Variants in GLRA3 observed in about 807,000 individuals in gnomAD.
GLRA3 encodes the protein glycine receptor subunit alpha-3.
GLRA3 carries 44 observed loss-of-function variants against 60.4 expected under a neutral mutation model. The observed-to-expected ratio is 0.73, with a 90% CI of 0.57 to 0.94. The LOEUF is 0.94. Among genes scored for constraint, GLRA3 ranks in the 40% least tolerant of loss-of-function variants. The pLI is 0.00. For missense variants in GLRA3, 508 were observed against 564.6 expected (o/e 0.90, Z 1.02); for synonymous variants, 223 against 192.9 (o/e 1.16, Z -1.29).
In GLRA3 at chr4:174,827,041, G is replaced by T. The variant is rs1008628679; in HGVS notation, c.71+1700C>A. Among the ~76,000 whole-genome samples the T allele has an allele frequency of 2.0e-5, 3 of 151,924 alleles. No homozygotes were observed. The East Asian group carries it at 5.8e-4, about 29-fold the overall frequency. On this transcript the variant is annotated intron_variant, in intron 1 of 9. Transcript: ENST00000274093. ...TTTATTTGATTTATGAATGGAGAAAGAAAAACTTGATGAAGAATATAAGTT... is the reference window on the plus strand; with the variant it reads ...TTTATTTGATTTATGAATGGAGAAATAAAAACTTGATGAAGAATATAAGTT...
At chr4:174,708,015 C>T (rs1165440117) in intron 5 of GLRA3, among the ~76,000 whole-genome samples, 2 of 152,138 alleles carry the variant, frequency 1.3e-5, no homozygotes, top group African/African-American at 4.8e-5. Context: ...GAGTTCATTA[C>T]TGTATAGTTT....
intron 1 of GLRA3, among the ~76,000 whole-genome samples, chr4:174,792,544 G>A (rs1192381364): frequency 6.6e-6 from 1 of 152,096 alleles, no homozygotes; most frequent in Non-Finnish European, 1.5e-5. Flanking sequence ...CAGCCCATAC[G>A]TGTGGCCTTC....
intron 2 of GLRA3, among the ~76,000 whole-genome samples, chr4:174,767,897 T>C (rs537632536): frequency 2.0e-5 from 3 of 152,152 alleles, no homozygotes; most frequent in East Asian, 1.9e-4. Context: ...CCTAAGAACA[T>C]AGAATTTTCC....
At chr4:174,783,712 T>C (rs1380364743) in intron 2 of GLRA3, among the ~76,000 whole-genome samples, 2 of 148,168 alleles carry the variant, frequency 1.3e-5, no homozygotes, top group East Asian at 2.0e-4. Context: ...AAAAGACACA[T>C]GAAAAAATGC....
chr4:174,735,453 A>C (rs1736741781), intron 3 of GLRA3, among the ~76,000 whole-genome samples: 1 of 152,240 alleles, frequency 6.6e-6, no homozygotes. Context: ...TTCCAACAGA[A>C]TATTGTCTCT....
chr4:174,654,318 C>G (rs1273400390), intron 9 of GLRA3, among the ~76,000 whole-genome samples: 1 of 151,304 alleles, frequency 6.6e-6, no homozygotes, highest in Non-Finnish European at 1.5e-5. Context: ...TAGAAGCTAT[C>G]ATGAATTATT....
At chr4:174,802,988 T>G (rs1212748282) in intron 1 of GLRA3, among the ~76,000 whole-genome samples, 1 of 152,046 alleles carries the variant, frequency 6.6e-6, no homozygotes, top group Non-Finnish European at 1.5e-5. Context: ...CATAGCATAT[T>G]TGAGTGTGAA....
intron 2 of GLRA3, among the ~76,000 whole-genome samples, chr4:174,782,269 C>G (rs373313202): frequency 1.5e-4 from 23 of 151,346 alleles, no homozygotes; most frequent in Admixed American, 4.6e-4. Context: ...ATTCAACAAC[C>G]CTTCATGCTA....
intron 3 of GLRA3, among the ~76,000 whole-genome samples, chr4:174,741,476 T>C (rs1234456501): frequency 1.3e-5 from 2 of 152,190 alleles, no homozygotes; most frequent in Non-Finnish European, 2.9e-5. Context: ...CTATTCTGGA[T>C]ACATATCCTT....
At chr4:174,735,317 T>G (rs753704855) in intron 3 of GLRA3, among the ~76,000 whole-genome samples, 7 of 152,158 alleles carry the variant, frequency 4.6e-5, no homozygotes, top group Non-Finnish European at 8.8e-5. Flanking sequence ...TCCAATTTAC[T>G]CCATTTTGTG....
Position 174,740,868 on chromosome 4 carries a change from AT to A in GLRA3, c.268-12171del, listed in dbSNP as rs1166074793. On this transcript the variant is annotated intron_variant, in intron 3 of 9. Transcript: ENST00000274093. ...TAAATGGAATCACACAATATTTAAC[AT>A]TTTGAGTCTGGCTCTTTCTTGACTT... Among the ~76,000 whole-genome samples, 29 of 152,248 alleles carry A rather than the reference AT, an allele frequency of 1.9e-4. 1 individual carries two copies. In the East Asian group the frequency reaches 5.6e-3, roughly 29 times the overall value.
intron 1 of GLRA3, among the ~76,000 whole-genome samples, chr4:174,815,642 C>T (rs2111381795): frequency 6.6e-6 from 1 of 152,300 alleles, no homozygotes. Context: ...AGGCTGGTGG[C>T]TTCCACCCTC....
chr4:174,643,534 T>C lies in GLRA3; in HGVS notation c.*252A>G. ...GGCAGTAAAGCTTCCACTTACATGGTTTACTGTGAAAAAACAAATCACCTG... is the reference window on the plus strand; with the variant it reads ...GGCAGTAAAGCTTCCACTTACATGGCTTACTGTGAAAAAACAAATCACCTG... On this transcript the variant is annotated 3_prime_UTR_variant, in exon 10 of 10. Coordinates refer to ENST00000274093, the MANE Select transcript of GLRA3 (RefSeq NM_006529.4). The C allele has an allele frequency of 3.5e-6, 4 of 1,149,314 alleles. No homozygotes were observed. Among genetic ancestry groups the C allele is most frequent in the Non-Finnish European group, 4.3e-6 (4 of 930,670 alleles). 71.2% of individuals were successfully genotyped at this position (1,149,314 alleles called of 1,614,324 possible). A position where few individuals can be genotyped will look rare whatever the true frequency, so the allele number is the denominator to read the frequency against.
At chr4:174,704,345 T>A (rs114909081) in intron 5 of GLRA3, among the ~76,000 whole-genome samples, 14 of 142,664 alleles carry the variant, frequency 9.8e-5, no homozygotes, top group African/African-American at 3.5e-4. Flanking sequence ...AATGGCAGGA[T>A]CACAGAAATA....
intron 4 of GLRA3, 63 bp downstream of exon 4, chr4:174,728,408 AAACC>A: frequency 1.1e-6 from 1 of 902,326 alleles, no homozygotes; most frequent in Non-Finnish European, 1.8e-6. Context: ...TTCACCAAAC[AAACC>A]AACCAACAAT....
At chr4:174,799,394 T>A (rs919387827) in intron 1 of GLRA3, among the ~76,000 whole-genome samples, 33 of 152,178 alleles carry the variant, frequency 2.2e-4, no homozygotes, top group African/African-American at 8.0e-4. Context: ...GATTGAGACC[T>A]AGATAAAAAG....
intron 1 of GLRA3, among the ~76,000 whole-genome samples, chr4:174,796,850 AG>A (rs1404558030): frequency 6.6e-6 from 1 of 152,096 alleles, no homozygotes; most frequent in African/African-American, 2.4e-5. Context: ...CTCTTCTGAA[AG>A]GGGTGGAGGC....
chr4:174,778,624 G>A (rs527685764), intron 2 of GLRA3, among the ~76,000 whole-genome samples: 1,854 of 152,328 alleles, frequency 0.012, 22 homozygotes, highest in Non-Finnish European at 0.018. Context: ...TGCACGCACC[G>A]TGCGCGAGCC....
At chr4:174,726,477 C>T (rs1736328766) in intron 4 of GLRA3, among the ~76,000 whole-genome samples, 1 of 152,196 alleles carries the variant, frequency 6.6e-6, no homozygotes, top group Non-Finnish European at 1.5e-5. Context: ...GCTTTTCTGT[C>T]TTGCTAGGCT....
Sources: allele counts gnomAD v4.1 joint callset (sites outside exome capture counted in the v4.1 genomes callset), GRCh38; gene constraint gnomAD v4.1.1; transcripts MANE v1.5; gene names NCBI Gene and HGNC (gene_info 2026-07-23, HGNC 2026-07-21).